PCARE: variants seen among roughly 807,000 people sequenced by gnomAD.
PCARE encodes uncharacterized protein C2orf71.
PCARE carries 72 observed loss-of-function variants against 82.2 expected under a neutral mutation model. That is an observed-to-expected ratio of 0.88 (90% CI 0.72 to 1.07). PCARE has a LOEUF of 1.07. Ranked by LOEUF, PCARE falls within the 50% of genes least tolerant of loss-of-function variation. The pLI is 0.00. For synonymous variants in PCARE, 705 were observed against 634.8 expected (o/e 1.11, Z -1.66); for missense variants, 1,768 against 1,592.4 (o/e 1.11, Z -1.88).
chr2:29,071,352 G>A lies in PCARE; in HGVS notation c.2910C>T (p.Asn970=), dbSNP rs1427362946. The A allele has an allele frequency of 1.2e-6, 2 of 1,613,564 alleles. No individual in the cohort carries two copies. Among genetic ancestry groups the A allele is most frequent in the Non-Finnish European group, 1.7e-6 (2 of 1,179,932 alleles). ...TGGCCAGGCTGGACTCTGAGGTCCT[G>A]TTTTGTCCAGATGGAGGGCCGGAGT... The part of the protein sequence containing the change: ...WHHSGPPSGQ[N]RTSESSLARP... The change falls in exon 1 of 2, where the codon AAC becomes AAT. Residue 970 remains asparagine (N), a synonymous_variant. Coordinates refer to ENST00000331664, the MANE Select transcript of PCARE (RefSeq NM_001029883.3).
chr2:29,065,331 GCTCTGAAC>G (rs1224392742), intron 1 of PCARE, among the ~76,000 whole-genome samples: 1 of 152,214 alleles, frequency 6.6e-6, no homozygotes, highest in Admixed American at 6.5e-5. Context: ...GGATCCTGCT[GCTCTGAAC>G]AAAGCAACTC....
Position 29,072,359 on chromosome 2 carries a change from C to T in PCARE, c.1903G>A (p.Gly635Arg). 6 of 1,614,092 alleles carry T rather than the reference C, an allele frequency of 3.7e-6. No individual in the cohort carries two copies. The highest frequency in any genetic ancestry group is 4.2e-6 in the Non-Finnish European group (5 of 1,180,034). Residue 635 changes from glycine to arginine, a missense_variant, in exon 1 of 2, where the codon GGG becomes AGG. Transcript: ENST00000331664. The stretch of plus-strand genomic sequence containing the variant: ...TGCAGAATTTGCTCCTGGCTCTGCC[C>T]CTGCCCTTTGGCACCCAGGGCATAA... ...AFYALGAKGQ[G>R]QSQEQILQPR...
chr2:29,073,147 T>A lies in PCARE; in HGVS notation c.1115A>T (p.Asp372Val), dbSNP rs975448310. Residue 372 changes from aspartate to valine, a missense_variant, in exon 1 of 2, where the codon GAC (aspartate) becomes GTC (valine). Physicochemically the swap from Asp to Val is radical, Grantham distance 152. Coordinates refer to ENST00000331664, the MANE Select transcript of PCARE (RefSeq NM_001029883.3). Reference sequence around the variant, plus strand: ...CCATTCTTCGGGCTCTGGTGCAAGGTCCCAGCTGGTTTGCTTGCCCAGCTT... The same window carrying A: ...CCATTCTTCGGGCTCTGGTGCAAGGACCCAGCTGGTTTGCTTGCCCAGCTT... The part of the protein sequence containing the change: ...VDKLGKQTSW[D>V]LAPEPEEWKS... 47 of 1,613,960 alleles carry A rather than the reference T, an allele frequency of 2.9e-5. No homozygotes were observed. Among genetic ancestry groups the A allele is most frequent in the Non-Finnish European group, 3.9e-5 (46 of 1,180,020 alleles).
chr2:29,072,704 C>T lies in PCARE; in HGVS notation c.1558G>A (p.Asp520Asn), dbSNP rs1413450450. The T allele has an allele frequency of 6.2e-7, 1 of 1,614,034 alleles. No individual in the cohort carries two copies. The highest frequency in any genetic ancestry group is 8.5e-7 in the Non-Finnish European group (1 of 1,180,028). Residue 520 changes from aspartate to asparagine, a missense_variant, in exon 1 of 2, where the codon GAC (aspartate) becomes AAC (asparagine). Transcript: ENST00000331664. Reference sequence around the variant, plus strand: ...CGGGCCTGAAATGGGCTTTCCCGGTCAGCAGGTGAAGATTGTGGCCTTGAA... The same window carrying T: ...CGGGCCTGAAATGGGCTTTCCCGGTTAGCAGGTGAAGATTGTGGCCTTGAA... ...PHSRPQSSPA[D>N]RESPFQARTR...
intron 1 of PCARE, among the ~76,000 whole-genome samples, chr2:29,070,278 C>A (rs1371971695): frequency 2.0e-5 from 3 of 152,052 alleles, no homozygotes; most frequent in Admixed American, 2.0e-4. Flanking sequence ...TGTTCCCTAC[C>A]CTCCAACAGG....
At position 29,065,057 on chromosome 2, in the gene PCARE, C is replaced by CG. The variant is rs1667371774; in HGVS notation, c.3678_3679insC (p.Glu1227ArgfsTer4). 5 of 1,533,508 alleles carry CG rather than the reference C, an allele frequency of 3.3e-6. No homozygotes were observed. The highest frequency in any genetic ancestry group is 1.6e-5 in the African/African-American group (1 of 63,822). 95.0% of individuals were successfully genotyped at this position (1,533,508 alleles called of 1,614,324 possible). A position where few individuals can be genotyped will look rare whatever the true frequency, so the allele number is the denominator to read the frequency against. On this transcript the variant is annotated frameshift_variant, in exon 2 of 2. Transcript: ENST00000331664. LOFTEE classifies it low-confidence loss of function (END_TRUNC). Reference sequence around the variant, plus strand: ...GGCTCTGTGTCCTTCTTAGGGCTCTCCTCGCTGCTGCTGCCGAGAGAAAGG... The same window carrying CG: ...GGCTCTGTGTCCTTCTTAGGGCTCTCGCTCGCTGCTGCTGCCGAGAGAAAGG...
intron 1 of PCARE, among the ~76,000 whole-genome samples, chr2:29,069,678 CTAAAA>C (rs1189137481): frequency 4.0e-5 from 6 of 151,892 alleles, no homozygotes; most frequent in East Asian, 3.8e-4. Context: ...ACCCATGAAC[CTAAAA>C]TAAAAGCTTT....
chr2:29,071,484 G>T lies in PCARE; in HGVS notation c.2778C>A (p.Ser926Arg). 1 of 1,611,290 alleles carries T rather than the reference G, an allele frequency of 6.2e-7. No homozygotes were observed. The highest frequency in any genetic ancestry group is 8.5e-7 in the Non-Finnish European group (1 of 1,179,950). Residue 926 changes from serine (S) to arginine (R), a missense_variant, in exon 1 of 2, where the codon AGC (serine) becomes AGA (arginine). Ser to Arg is a moderately radical substitution (Grantham distance 110, BLOSUM62 -1). Coordinates refer to ENST00000331664, the MANE Select transcript of PCARE (RefSeq NM_001029883.3). ...CGGGGCTTTGGCTGGTGGCTGGTGG[G>T]CTGCTCAGGTCCAGGGCTGGCTTCC... ...QPRKPALDLS[S>R]PPATSQSPEV...
At chr2:29,068,612 C>T (rs72788198) in intron 1 of PCARE, among the ~76,000 whole-genome samples, 3,606 of 152,268 alleles carry the variant, frequency 0.024, 52 homozygotes, top group Middle Eastern at 0.037. Context: ...CTTGAGCATA[C>T]GAGTTCTTCT....
rs778556106 is a variant in PCARE, at chr2:29,074,090, C to T, written c.172G>A (p.Ala58Thr). 6.2e-7 allele frequency: 1 copy of T among 1,614,088 alleles called. No homozygotes were observed. Among genetic ancestry groups the T allele is most frequent in the Non-Finnish European group, 8.5e-7 (1 of 1,180,052 alleles). The change falls in exon 1 of 2, where the codon GCA (alanine) becomes ACA (threonine). Residue 58 changes from alanine (A) to threonine (T), a missense_variant. By Grantham distance (58) the Ala-to-Thr change is moderately conservative. Coordinates refer to ENST00000331664, the MANE Select transcript of PCARE (RefSeq NM_001029883.3). ...STCYDAGEGLAEEQPSPRRNQ... is the reference protein window; with the variant it reads ...STCYDAGEGLTEEQPSPRRNQ... ...CTCCTGGGACTTGGCTGCTCCTCTG[C>T]CAGGCCCTCCCCAGCGTCATAGCAG...
rs913676404 is a variant in PCARE, at chr2:29,070,941, G to A, written c.3321C>T (p.Asp1107=). 2 of 1,613,296 alleles carry A rather than the reference G, an allele frequency of 1.2e-6. No homozygotes were observed. The highest frequency in any genetic ancestry group is 1.7e-5 in the Admixed American group (1 of 59,914). The change falls in exon 1 of 2, where the codon GAC becomes GAT. Residue 1107 remains aspartate (D), a synonymous_variant. Coordinates refer to ENST00000331664, the MANE Select transcript of PCARE (RefSeq NM_001029883.3). ...QEHKETRDSE[D]SQAVIAKVSG... ...ACACTTTGGCTATGACTGCTTGGCT[G>A]TCTTCAGAGTCTCTTGTTTCCTTGT...
intron 1 of PCARE, among the ~76,000 whole-genome samples, chr2:29,065,584 T>C (rs1417086612): frequency 6.6e-6 from 1 of 152,184 alleles, no homozygotes; most frequent in Non-Finnish European, 1.5e-5. Flanking sequence ...GTGACACAGC[T>C]AAGAGGGGCT....
At chr2:29,065,212 T>C in intron 1 of PCARE, 145 bp from the exon 2 acceptor site, 14 of 1,006,302 alleles carry the variant, frequency 1.4e-5, no homozygotes, top group Non-Finnish European at 2.1e-5. Flanking sequence ...GCCTCTGCCC[T>C]CTGTACCAGG....
intron 1 of PCARE, among the ~76,000 whole-genome samples, chr2:29,066,073 G>A (rs1019193059): frequency 1.3e-5 from 2 of 152,252 alleles, no homozygotes. Context: ...GCTTGAACCC[G>A]GGAGGCAGAG....
intron 1 of PCARE, among the ~76,000 whole-genome samples, chr2:29,068,595 A>G (rs1667425306): frequency 6.6e-6 from 1 of 152,322 alleles, no homozygotes; most frequent in Admixed American, 6.5e-5. Flanking sequence ...ATTCTGTAAA[A>G]TAACCACTTG....
rs776408634 is a variant in PCARE at position 29,073,622 on chromosome 2, G to A, written c.640C>T (p.Leu214=). Residue 214 remains leucine (L), a synonymous_variant, in exon 1 of 2, where the codon CTG becomes TTG. Coordinates refer to ENST00000331664, the MANE Select transcript of PCARE (RefSeq NM_001029883.3). ...IIHQATQTRE[L]LQPMVSFLLL... ...AAGAAGCTGACCATGGGCTGCAGCA[G>A]CTCCCGGGTCTGGGTGGCCTGATGG... 1 of 1,614,198 alleles carries A rather than the reference G, an allele frequency of 6.2e-7. No homozygotes were observed. Among genetic ancestry groups the A allele is most frequent in the South Asian group, 1.1e-5 (1 of 91,082 alleles).
chr2:29,071,257 A>G lies in PCARE; in HGVS notation c.3005T>C (p.Val1002Ala). 6.2e-7 allele frequency: 1 copy of G among 1,612,954 alleles called. No homozygotes were observed. The highest frequency in any genetic ancestry group is 1.1e-5 in the South Asian group (1 of 91,044). Residue 1002 changes from valine (V) to alanine (A), a missense_variant, in exon 1 of 2, where the codon GTG becomes GCG. Transcript: ENST00000331664. ...RKASPTRTHW[V>A]PQADKRRRSL... ...CCGGCGCCTCTTGTCTGCTTGAGGC[A>G]CCCAGTGTGTCCTCGTGGGAGAGGC... is the stretch of plus-strand genomic sequence containing the variant.
chr2:29,068,049 T>C (rs144759776), intron 1 of PCARE, among the ~76,000 whole-genome samples: 33 of 152,392 alleles, frequency 2.2e-4, no homozygotes, highest in African/African-American at 7.5e-4. Flanking sequence ...AATGCCATTT[T>C]ATTGTCCCTG....
At position 29,064,707 on chromosome 2, in the gene PCARE, T is replaced by C. The variant is rs1230188882; in HGVS notation, c.*162A>G. On this transcript the variant is annotated 3_prime_UTR_variant, in exon 2 of 2. Transcript: ENST00000331664. The stretch of plus-strand genomic sequence containing the variant: ...ATCTGGGACTGAAAACGGCGATTGT[T>C]TAAAATTCAGCAGACCCACTGGGCA... The C allele has an allele frequency of 2.2e-6, 2 of 894,090 alleles. No homozygotes were observed. Among genetic ancestry groups the C allele is most frequent in the Non-Finnish European group, 3.4e-6 (2 of 582,416 alleles). The allele number at this position is 894,090 out of a possible 1,614,324, so 55.4% of individuals were successfully genotyped here.
Sources: allele counts gnomAD v4.1 joint callset (sites outside exome capture counted in the v4.1 genomes callset), GRCh38; gene constraint gnomAD v4.1.1; transcripts MANE v1.5; gene names NCBI Gene and HGNC (gene_info 2026-07-23, HGNC 2026-07-21).